The following NBEA variants were observed in gnomAD, a reference collection of about 807,000 sequenced individuals.
The protein encoded by NBEA is neurobeachin.
A neutral mutation model predicts 343.4 loss-of-function variants in NBEA; 44 were observed. That is an observed-to-expected ratio of 0.13 (90% CI 0.10 to 0.16). The LOEUF (loss-of-function observed/expected upper bound fraction) is 0.16. Among genes scored for constraint, NBEA ranks in the 10% least tolerant of loss-of-function variants. The pLI is 1.00. For synonymous variants in NBEA, 1,175 were observed against 1,238.7 expected (o/e 0.95, Z 1.08); for missense variants, 2,555 against 3,631.3 (o/e 0.70, Z 7.62).
chr13:35,670,148 A>G (rs2085542040), intron 58 of NBEA, among the ~76,000 whole-genome samples: 1 of 152,210 alleles, frequency 6.6e-6, no homozygotes. Context: ...GAGGTGTCTA[A>G]TCAAAAGTGA....
intron 41 of NBEA, among the ~76,000 whole-genome samples, chr13:35,519,833 A>G (rs1238027973): frequency 6.6e-6 from 1 of 152,216 alleles, no homozygotes; most frequent in East Asian, 1.9e-4. Context: ...TATTAACTAT[A>G]GTTACTCTGC....
At chr13:35,134,949 AG>A (rs1289844021) in intron 17 of NBEA, among the ~76,000 whole-genome samples, 1 of 152,080 alleles carries the variant, frequency 6.6e-6, no homozygotes, top group Non-Finnish European at 1.5e-5. Flanking sequence ...GACATATAAG[AG>A]GTCCACTTCT....
At chr13:35,303,048 G>A (rs2036655921) in intron 35 of NBEA, among the ~76,000 whole-genome samples, 1 of 151,966 alleles carries the variant, frequency 6.6e-6, no homozygotes, top group South Asian at 2.1e-4. Context: ...CCTATGTCAG[G>A]ACAGGTGAGC....
chr13:35,429,326 G>A (rs1045375731), intron 38 of NBEA, among the ~76,000 whole-genome samples: 11 of 152,180 alleles, frequency 7.2e-5, no homozygotes, highest in African/African-American at 2.2e-4. Flanking sequence ...CTTTGCTGGT[G>A]TAGGTCAGGT....
chr13:35,476,299 G>C (rs2075864441), intron 41 of NBEA: 1 of 266,602 alleles, frequency 3.8e-6, no homozygotes, highest in South Asian at 7.1e-5. Context: ...TGGTTTCCCT[G>C]CTGCTGCTGC....
intron 45 of NBEA, among the ~76,000 whole-genome samples, chr13:35,582,000 C>T (rs1210575880): frequency 6.6e-6 from 1 of 151,660 alleles, no homozygotes; most frequent in Non-Finnish European, 1.5e-5. Context: ...AAACTCATTA[C>T]TTTCGGCCAG....
chr13:35,612,699 A>C (rs957296349), intron 48 of NBEA, among the ~76,000 whole-genome samples: 1 of 152,164 alleles, frequency 6.6e-6, no homozygotes, highest in African/African-American at 2.4e-5. Flanking sequence ...AATTTTTTGA[A>C]TGTAGGAAAA....
At chr13:35,662,252 C>T (rs538716949) in intron 55 of NBEA, among the ~76,000 whole-genome samples, 2 of 152,152 alleles carry the variant, frequency 1.3e-5, no homozygotes, top group Non-Finnish European at 2.9e-5. Flanking sequence ...AAAAATTGGA[C>T]GTGTTTGTTC....
At chr13:35,073,628 A>G (rs1198749499) in intron 10 of NBEA, among the ~76,000 whole-genome samples, 3 of 152,014 alleles carry the variant, frequency 2.0e-5, no homozygotes, top group Non-Finnish European at 4.4e-5. Flanking sequence ...TTTACTTTAT[A>G]TAGGGGATTT....
intron 1 of NBEA, among the ~76,000 whole-genome samples, chr13:34,949,907 G>A (rs766970292): frequency 9.2e-5 from 14 of 152,060 alleles, no homozygotes; most frequent in Non-Finnish European, 1.9e-4. Context: ...GTCTAAGATA[G>A]CCATGTTAAA....
chr13:35,609,758 A>G (rs1308801596), intron 48 of NBEA, among the ~76,000 whole-genome samples: 1 of 152,188 alleles, frequency 6.6e-6, no homozygotes, highest in Non-Finnish European at 1.5e-5. Flanking sequence ...TTCAGTGAGA[A>G]CAGGAGTAAC....
intron 48 of NBEA, among the ~76,000 whole-genome samples, chr13:35,612,482 C>G (rs948098519): frequency 1.3e-5 from 2 of 152,144 alleles, no homozygotes; most frequent in Non-Finnish European, 2.9e-5. Flanking sequence ...AGCATCTCTT[C>G]ATGTATTTAT....
Position 35,654,866 on chromosome 13 carries a change from G to T in NBEA, c.8047G>T (p.Gly2683Cys), listed in dbSNP as rs766384266. ...EMDPLIANNS[G>C]VNKRQITDLV... is the part of the protein sequence containing the mutation. ...CCATTTACTTTTAGCCAATAATTCA[G>T]GTGTAAACAAACGGCAGATCACAGA... The change falls in exon 54 of 59, where the codon GGT becomes TGT. Residue 2683 changes from glycine to cysteine, a missense_variant. Around this residue, in one of 21 missense-constraint regions of NBEA, gnomAD observed 39 missense variants for 37.9 expected, o/e 1.03. Coordinates refer to ENST00000379939, the MANE Select transcript of NBEA (RefSeq NM_001385012.1). The T allele has an allele frequency of 5.1e-6, 8 of 1,572,804 alleles. No individual in the cohort carries two copies. Among genetic ancestry groups the T allele is most frequent in the Non-Finnish European group, 6.0e-6 (7 of 1,165,842 alleles).
chr13:35,266,098 G>A (rs2033649763), intron 34 of NBEA, among the ~76,000 whole-genome samples: 1 of 151,798 alleles, frequency 6.6e-6, no homozygotes, highest in African/African-American at 2.4e-5. Context: ...TAAAAGTAAT[G>A]TTCAACATCA....
intron 31 of NBEA, 40 bp from the exon 32 acceptor site, chr13:35,208,660 A>G (rs778811331): frequency 3.3e-6 from 5 of 1,501,838 alleles, no homozygotes; most frequent in East Asian, 2.4e-5. Context: ...TTCATCTTCA[A>G]CCTCATGTTT....
chr13:35,204,073 A>G lies in NBEA; in HGVS notation c.5367-4627A>G, dbSNP rs141215865. Among the ~76,000 whole-genome samples, 612 of 152,262 alleles carry G rather than the reference A, an allele frequency of 4.0e-3. 3 individuals carry two copies. In the South Asian group the frequency reaches 0.045, roughly 11 times the overall value. The stretch of plus-strand genomic sequence containing the variant: ...GACAGCAGGAGGTAAGCAGTGGGCA[A>G]GTAAACAAAGCTTCATCTGCATTTA... On this transcript the variant is annotated intron_variant, in intron 31 of 58. Coordinates refer to ENST00000379939, the MANE Select transcript of NBEA (RefSeq NM_001385012.1).
At chr13:35,385,065 A>G (rs1173544061) in intron 38 of NBEA, among the ~76,000 whole-genome samples, 7 of 152,016 alleles carry the variant, frequency 4.6e-5, no homozygotes, top group Admixed American at 4.6e-4. Flanking sequence ...ATAGTATTAC[A>G]TTTTTTCCTT....
intron 41 of NBEA, among the ~76,000 whole-genome samples, chr13:35,540,722 A>C (rs2078780873): frequency 6.6e-6 from 1 of 152,194 alleles, no homozygotes. Context: ...TCTATAAGGA[A>C]TACAAAAATA....
At chr13:35,155,460 C>T (rs1315955767) in intron 18 of NBEA, among the ~76,000 whole-genome samples, 1 of 151,972 alleles carries the variant, frequency 6.6e-6, no homozygotes, top group Admixed American at 6.6e-5. Flanking sequence ...CCTGTCTCTA[C>T]TAAAAATACA....
Sources: gnomAD v4.1 joint callset for allele counts (sites outside exome capture counted in the v4.1 genomes callset) on GRCh38, gnomAD v4.1.1 for gene constraint, gnomAD v4.1.1 regional missense constraint, MANE v1.5 for transcripts, NCBI Gene and HGNC (gene_info 2026-07-23, HGNC 2026-07-21) for gene names.